The following RBFOX1 variants were observed in gnomAD, a reference collection of about 807,000 sequenced individuals.
RBFOX1 encodes RNA binding protein fox-1 homolog 1.
In RBFOX1, 8 loss-of-function variants were observed where a neutral mutation model predicts 57.7. That is an observed-to-expected ratio of 0.14 (90% CI 0.08 to 0.25). The LOEUF (loss-of-function observed/expected upper bound fraction) is 0.25. RBFOX1 is among the 10% of genes least tolerant of loss of function. The pLI is 1.00. For missense variants in RBFOX1, 611 were observed against 548.5 expected (o/e 1.11, Z -1.14); for synonymous variants, 326 against 222.4 (o/e 1.47, Z -4.15).
At chr16:6,360,708 C>G (rs2088306801) in intron 2 of RBFOX1, among the ~76,000 whole-genome samples, 1 of 152,158 alleles carries the variant, frequency 6.6e-6, no homozygotes. Context: ...ATTGACCCAT[C>G]TTATGTTTTG....
chr16:5,391,407 T>G (rs1330290506), intron 1 of RBFOX1, among the ~76,000 whole-genome samples: 3 of 152,116 alleles, frequency 2.0e-5, no homozygotes, highest in Admixed American at 6.5e-5. Context: ...GGCTTCTGCT[T>G]CCGTCTTCAA....
intron 3 of RBFOX1, among the ~76,000 whole-genome samples, chr16:6,779,069 T>G (rs1227045341): frequency 1.3e-5 from 2 of 152,084 alleles, no homozygotes; most frequent in Admixed American, 1.3e-4. Flanking sequence ...TATTGTTAAC[T>G]ATAGTTGTCC....
At chr16:7,136,404 A>ATTTTTTTTTTTTTTTTT (rs35623726) in intron 4 of RBFOX1, among the ~76,000 whole-genome samples, 1 of 110,942 alleles carries the variant, frequency 9.0e-6, no homozygotes, top group African/African-American at 3.5e-5. Context: ...TCATCTTGGG[A>ATTTTTTTTTTTTTTTTT]TTTTTTTTTT....
At chr16:6,973,436 C>G (rs1393771198) in intron 3 of RBFOX1, among the ~76,000 whole-genome samples, 2 of 152,100 alleles carry the variant, frequency 1.3e-5, no homozygotes, top group Admixed American at 1.3e-4. Context: ...CCAGTGATAT[C>G]AACAGAATTA....
chr16:6,657,017 C>CCTTTCCTCTCCTGTCCTCCA (rs2098661652), intron 3 of RBFOX1, among the ~76,000 whole-genome samples: 6 of 115,224 alleles, frequency 5.2e-5, no homozygotes, highest in African/African-American at 1.8e-4. Flanking sequence ...CCTCTCCTCC[C>CCTTTCCTCTCCTGTCCTCCA]CTTTCCTCTC....
intron 1 of RBFOX1, among the ~76,000 whole-genome samples, chr16:6,134,680 A>G (rs1228212867): frequency 5.9e-5 from 8 of 135,528 alleles, no homozygotes; most frequent in Non-Finnish European, 7.8e-5. Flanking sequence ...TTGAACTCAG[A>G]GTATTTTTTT....
At chr16:5,793,595 C>G (rs1225146167) in intron 3 of RBFOX1, among the ~76,000 whole-genome samples, 7 of 152,166 alleles carry the variant, frequency 4.6e-5, no homozygotes, top group African/African-American at 1.7e-4. Context: ...CTCTCTTCAC[C>G]TCCTCATCTT....
At chr16:5,931,259 C>G (rs990881313) in intron 4 of RBFOX1, among the ~76,000 whole-genome samples, 2 of 152,114 alleles carry the variant, frequency 1.3e-5, no homozygotes, top group African/African-American at 4.8e-5. Flanking sequence ...CTGGTAGATT[C>G]CACCTGTGTT....
chr16:7,066,799 G>A (rs748831718), intron 4 of RBFOX1, among the ~76,000 whole-genome samples: 5 of 152,100 alleles, frequency 3.3e-5, no homozygotes, highest in African/African-American at 1.2e-4. Flanking sequence ...ACAAAGGTTT[G>A]GTTCAATAAG....
At chr16:5,636,777 T>C (rs2048698122) in intron 3 of RBFOX1, among the ~76,000 whole-genome samples, 1 of 152,226 alleles carries the variant, frequency 6.6e-6, no homozygotes, top group African/African-American at 2.4e-5. Flanking sequence ...CTTGCTTGTT[T>C]TTATTTTCAA....
chr16:5,516,919 A>G (rs989512870), intron 2 of RBFOX1, among the ~76,000 whole-genome samples: 4 of 151,986 alleles, frequency 2.6e-5, no homozygotes, highest in African/African-American at 7.2e-5. Context: ...TTTTTTCTTT[A>G]TAAATTCCCC....
chr16:5,414,279 A>C (rs755257342), intron 1 of RBFOX1, among the ~76,000 whole-genome samples: 4 of 152,148 alleles, frequency 2.6e-5, no homozygotes, highest in Non-Finnish European at 4.4e-5. Flanking sequence ...ATGAAAAAGC[A>C]CAAGTCTCTC....
intron 2 of RBFOX1, among the ~76,000 whole-genome samples, chr16:5,591,705 A>G (rs1226319111): frequency 6.6e-6 from 1 of 152,202 alleles, no homozygotes; most frequent in Non-Finnish European, 1.5e-5. Context: ...GTCATTCCAT[A>G]TAAAGCTACC....
intron 2 of RBFOX1, among the ~76,000 whole-genome samples, chr16:6,475,471 A>G (rs774967605): frequency 3.9e-5 from 6 of 152,202 alleles, no homozygotes; most frequent in African/African-American, 7.2e-5. Flanking sequence ...TTTGTAGACA[A>G]TGCTTGGAAA....
intron 1 of RBFOX1, among the ~76,000 whole-genome samples, chr16:5,262,122 T>C (rs1314594238): frequency 2.0e-5 from 3 of 152,188 alleles, no homozygotes; most frequent in African/African-American, 7.2e-5. Context: ...TATTTGGGGT[T>C]AGCAGGGAAG....
intron 3 of RBFOX1, among the ~76,000 whole-genome samples, chr16:6,692,394 C>G (rs971381323): frequency 6.6e-6 from 1 of 152,068 alleles, no homozygotes; most frequent in African/African-American, 2.4e-5. Context: ...GTATCTCTCC[C>G]TAGAGTTCCT....
intron 1 of RBFOX1, among the ~76,000 whole-genome samples, chr16:6,049,813 A>C (rs2095533863): frequency 1.3e-5 from 2 of 152,038 alleles, no homozygotes; most frequent in Admixed American, 1.3e-4. Flanking sequence ...CTTTAGGAAC[A>C]CCCTTCCCAG....
At chr16:7,532,716 A>G (rs1159336632) in intron 5 of RBFOX1, among the ~76,000 whole-genome samples, 1 of 152,214 alleles carries the variant, frequency 6.6e-6, no homozygotes, top group Non-Finnish European at 1.5e-5. Flanking sequence ...GTTTTTGTCA[A>G]TAAAGTTTTA....
intron 1 of RBFOX1, among the ~76,000 whole-genome samples, chr16:6,085,564 C>T (rs6500753): frequency 0.41 from 61,641 of 152,084 alleles, 14,131 homozygotes; most frequent in Non-Finnish European, 0.54. Context: ...CCACTGTGCC[C>T]GACCCTCACA....
Sources: gnomAD v4.1 joint callset for allele counts (sites outside exome capture counted in the v4.1 genomes callset) on GRCh38, gnomAD v4.1.1 for gene constraint, MANE v1.5 for transcripts, NCBI Gene and HGNC (gene_info 2026-07-23, HGNC 2026-07-21) for gene names.